LRRC37A2: variants seen among roughly 807,000 people sequenced by gnomAD.
LRRC37A2 encodes leucine-rich repeat-containing protein 37A2.
Under a neutral mutation model 68.8 loss-of-function variants are expected in LRRC37A2, and 9 were observed. The observed-to-expected ratio is 0.13, with a 90% CI of 0.08 to 0.23. The LOEUF (loss-of-function observed/expected upper bound fraction) is 0.23, where lower values mean the gene tolerates loss of function less well. Among genes scored for constraint, LRRC37A2 ranks in the 10% least tolerant of loss-of-function variants. The probability of loss-of-function intolerance (pLI) is 1.00; values close to 1 mark genes in which losing one functional copy is unlikely to be tolerated. For missense variants in LRRC37A2, 168 were observed against 950.4 expected (o/e 0.18, Z 10.82); for synonymous variants, 63 against 367.6 (o/e 0.17, Z 9.48).
At chr17:46,862,163 C>CAAA in the LRRC37A2 span, among the ~76,000 whole-genome samples, 1 of 80,316 alleles carries the variant, frequency 1.2e-5, no homozygotes, top group Non-Finnish European at 3.1e-5. Flanking sequence ...AACTCCGTCT[C>CAAA]AAAAAAAAAA....
chr17:46,847,552 G>A, the LRRC37A2 span, among the ~76,000 whole-genome samples: 1 of 152,246 alleles, frequency 6.6e-6, no homozygotes, highest in Admixed American at 6.5e-5. Flanking sequence ...TCACCTGGAG[G>A]ATGGGGAAGG....
the LRRC37A2 span, among the ~76,000 whole-genome samples, chr17:46,842,871 A>C: frequency 9.3e-3 from 1,416 of 152,366 alleles, 12 homozygotes; most frequent in Middle Eastern, 0.058. Context: ...ATTCATCTTC[A>C]CATTTCTCAC....
chr17:46,839,378 G>A, the LRRC37A2 span, among the ~76,000 whole-genome samples: 2 of 152,378 alleles, frequency 1.3e-5, no homozygotes, highest in South Asian at 2.1e-4. Flanking sequence ...GCGGGTCCAG[G>A]CAGCACTGGC....
the LRRC37A2 span, among the ~76,000 whole-genome samples, chr17:46,585,344 G>A: frequency 1.1e-5 from 1 of 92,988 alleles, no homozygotes; most frequent in African/African-American, 3.5e-5. Flanking sequence ...GAGAGAGAGA[G>A]AGAATCCTTA....
the LRRC37A2 span, among the ~76,000 whole-genome samples, chr17:46,737,539 T>A: frequency 2.7e-5 from 4 of 150,718 alleles, no homozygotes; most frequent in African/African-American, 9.7e-5. Flanking sequence ...AGATGATTGC[T>A]TTTTTCTAAT....
chr17:46,801,607 G>A, the LRRC37A2 span, among the ~76,000 whole-genome samples: 3 of 152,134 alleles, frequency 2.0e-5, no homozygotes, highest in South Asian at 2.1e-4. Context: ...GCAACAGAGC[G>A]AGACTCTATC....
the LRRC37A2 span, chr17:46,833,244 C>G: frequency 2.3e-5 from 10 of 435,132 alleles, 1 homozygote; most frequent in South Asian, 1.0e-4. Context: ...GGGCCTGAGC[C>G]CTGACGCTTC....
the LRRC37A2 span, among the ~76,000 whole-genome samples, chr17:46,856,393 G>A: frequency 2.0e-4 from 30 of 152,224 alleles, no homozygotes; most frequent in East Asian, 5.2e-3. Flanking sequence ...GGTGGTGGAA[G>A]TGTCATTACT....
rs199829673 is a variant in LRRC37A2, at chr17:46,548,743, G to C, written c.3604G>C (p.Glu1202Gln). Residue 1202 changes from glutamate to glutamine, a missense_variant, in exon 10 of 15, where the codon GAA becomes CAA. Physicochemically the swap from Glu to Gln is conservative, Grantham distance 29. Coordinates refer to ENST00000576629, the Ensembl canonical transcript of LRRC37A2. ...CCAGGCATCTGTGGAGAACGCTGCC[G>C]AAGAAAAAAGGCTCGGGAGTCCAGC... The C allele has an allele frequency of 4.3e-6, 7 of 1,610,596 alleles. No homozygotes were observed. In the South Asian group the frequency reaches 6.6e-5, roughly 15 times the overall value.
the LRRC37A2 span, among the ~76,000 whole-genome samples, chr17:46,780,036 C>A: frequency 6.6e-6 from 1 of 152,328 alleles, no homozygotes; most frequent in East Asian, 1.9e-4. Context: ...GGATTACAGG[C>A]GTAAGCCACC....
At chr17:46,708,804 T>TTA in the LRRC37A2 span, among the ~76,000 whole-genome samples, 3,308 of 64,324 alleles carry the variant, frequency 0.051, 232 homozygotes, top group African/African-American at 0.1. Flanking sequence ...ACCATTTATT[T>TTA]TATATATATA....
chr17:46,824,492 G>A, the LRRC37A2 span, among the ~76,000 whole-genome samples: 5 of 152,168 alleles, frequency 3.3e-5, no homozygotes, highest in East Asian at 1.9e-4. Flanking sequence ...CAGGTGGTAC[G>A]CCCGCCTTGG....
chr17:46,926,377 G>C, the LRRC37A2 span, among the ~76,000 whole-genome samples: 1 of 152,066 alleles, frequency 6.6e-6, no homozygotes, highest in Non-Finnish European at 1.5e-5. Flanking sequence ...GGGGTGGTGG[G>C]GGGCGGTGAG....
chr17:46,983,648 T>G, the LRRC37A2 span, among the ~76,000 whole-genome samples: 1 of 152,230 alleles, frequency 6.6e-6, no homozygotes, highest in Non-Finnish European at 1.5e-5. Context: ...TAGTTTGATG[T>G]GTATTAACTC....
At chr17:46,799,865 G>A in the LRRC37A2 span, among the ~76,000 whole-genome samples, 1 of 152,166 alleles carries the variant, frequency 6.6e-6, no homozygotes, top group Non-Finnish European at 1.5e-5. Flanking sequence ...CCAAAGCAAA[G>A]TTCTAGAAGC....
chr17:46,947,111 G>A, the LRRC37A2 span, among the ~76,000 whole-genome samples: 4 of 152,182 alleles, frequency 2.6e-5, no homozygotes, highest in East Asian at 7.7e-4. Context: ...CTGGAGGTGG[G>A]TGTGGAGGAA....
At chr17:46,868,412 C>T in the LRRC37A2 span, among the ~76,000 whole-genome samples, 4 of 151,662 alleles carry the variant, frequency 2.6e-5, no homozygotes, top group Admixed American at 6.6e-5. Flanking sequence ...GCCAACATGG[C>T]GAAACCCCAT....
the LRRC37A2 span, chr17:46,710,905 A>T: frequency 6.8e-7 from 1 of 1,460,276 alleles, no homozygotes; most frequent in African/African-American, 1.5e-5. Flanking sequence ...CTCGTCTTTT[A>T]TACTGTTAGT....
chr17:46,912,455 A>G, the LRRC37A2 span, among the ~76,000 whole-genome samples: 2 of 152,290 alleles, frequency 1.3e-5, no homozygotes, highest in Admixed American at 1.3e-4. Context: ...TATCCTGTTT[A>G]CAATACACTG....
Sources: allele counts gnomAD v4.1 joint callset (sites outside exome capture counted in the v4.1 genomes callset), GRCh38; gene constraint gnomAD v4.1.1; transcripts MANE v1.5; gene names NCBI Gene and HGNC (gene_info 2026-07-23, HGNC 2026-07-21).